Variants in DPP6 observed in about 807,000 individuals in gnomAD.
DPP6 encodes A-type potassium channel modulatory protein DPP6.
Under a neutral mutation model 122.6 loss-of-function variants are expected in DPP6, and 69 were observed. The ratio of observed to expected loss-of-function variants is 0.56; its 90% CI spans 0.46 to 0.69. The LOEUF (loss-of-function observed/expected upper bound fraction) is 0.69. DPP6 is among the 30% of genes least tolerant of loss of function. DPP6 has a pLI of 0.00. For missense variants in DPP6, 928 were observed against 1,116.9 expected (o/e 0.83, Z 2.41); for synonymous variants, 418 against 433.1 (o/e 0.97, Z 0.43).
intron 1 of DPP6, among the ~76,000 whole-genome samples, chr7:154,178,017 T>C (rs1466785520): frequency 6.6e-6 from 1 of 152,130 alleles, no homozygotes; most frequent in Admixed American, 6.5e-5. Context: ...GCCAACCCAC[T>C]GGTCACTGAG....
rs528329721 is a variant in DPP6, at chr7:154,558,113, C to G, written c.553-8729C>G. Among the ~76,000 whole-genome samples, 10 of 152,114 alleles carry G rather than the reference C, an allele frequency of 6.6e-5. No homozygotes were observed. In the East Asian group the frequency reaches 1.2e-3, roughly 18 times the overall value. ...CCCTCCCTTTACCCCTCCACCCCCC[C>G]ACAGGCCCCAGTATATGATGTTCCC... On this transcript the variant is annotated intron_variant, in intron 4 of 25. Coordinates refer to ENST00000377770, the MANE Select transcript of DPP6 (RefSeq NM_130797.4).
intron 1 of DPP6, among the ~76,000 whole-genome samples, chr7:154,070,534 G>T (rs1272533273): frequency 2.0e-5 from 3 of 152,090 alleles, no homozygotes; most frequent in Non-Finnish European, 2.9e-5. Flanking sequence ...TAATATACAT[G>T]CTGTCAAATT....
At chr7:154,328,530 A>T (rs1808640606) in intron 1 of DPP6, among the ~76,000 whole-genome samples, 1 of 152,196 alleles carries the variant, frequency 6.6e-6, no homozygotes, top group Non-Finnish European at 1.5e-5. Flanking sequence ...GTCTGAAAAT[A>T]ATCTTTACTG....
At chr7:154,068,117 G>A (rs953341894) in intron 1 of DPP6, among the ~76,000 whole-genome samples, 7 of 152,100 alleles carry the variant, frequency 4.6e-5, no homozygotes, top group African/African-American at 1.4e-4. Context: ...GCTTAGTTGG[G>A]AAAGGAGAGG....
intron 1 of DPP6, among the ~76,000 whole-genome samples, chr7:154,401,261 A>G (rs1815572392): frequency 6.6e-6 from 1 of 152,138 alleles, no homozygotes. Flanking sequence ...TGGAAACAGT[A>G]CACCAAATTT....
At chr7:154,004,036 G>A (rs1484788634) in intron 1 of DPP6, among the ~76,000 whole-genome samples, 2 of 152,084 alleles carry the variant, frequency 1.3e-5, no homozygotes, top group South Asian at 2.1e-4. Context: ...TTACTCTTAA[G>A]CTCTTATTGT....
rs2130869987 is a variant in DPP6 at position 154,624,758 on chromosome 7, C to T, written c.628-13063C>T. Among the ~76,000 whole-genome samples the T allele has an allele frequency of 6.6e-6, 1 of 152,302 alleles. No individual in the cohort carries two copies. The highest frequency in any genetic ancestry group is 1.9e-4 in the East Asian group (1 of 5,182). On this transcript the variant is annotated intron_variant, in intron 5 of 25. Coordinates refer to ENST00000377770, the MANE Select transcript of DPP6 (RefSeq NM_130797.4). This position sits in a 1 kb window ranked among gnomAD's most constrained non-coding sequence, Gnocchi z 4.7. The stretch of plus-strand genomic sequence containing the variant: ...GTCTCCCAGGAAGAAACCTGTTAAT[C>T]TGCACCATGTCAGGGACCCCACCCC...
chr7:154,406,754 T>C (rs1816151059), intron 1 of DPP6, among the ~76,000 whole-genome samples: 1 of 152,200 alleles, frequency 6.6e-6, no homozygotes, highest in African/African-American at 2.4e-5. Context: ...AAACCCTGGA[T>C]AGGTCAGTTA....
chr7:153,816,566 A>G, the DPP6 span, among the ~76,000 whole-genome samples: 6 of 152,242 alleles, frequency 3.9e-5, no homozygotes, highest in African/African-American at 1.4e-4. Flanking sequence ...CTCTTCCTTT[A>G]AAATGATTGA....
At chr7:154,324,524 G>T (rs1257169234) in intron 1 of DPP6, among the ~76,000 whole-genome samples, 1 of 152,020 alleles carries the variant, frequency 6.6e-6, no homozygotes, top group Non-Finnish European at 1.5e-5. Context: ...CCCCTCCCAG[G>T]TTCCATCCAG....
intron 8 of DPP6, among the ~76,000 whole-genome samples, chr7:154,741,312 G>A (rs561550260): frequency 6.6e-6 from 1 of 152,338 alleles, no homozygotes; most frequent in South Asian, 2.1e-4. Flanking sequence ...CAGAGCCCAG[G>A]CAACCTGGCA....
In DPP6 at chr7:153,918,566, GTC is replaced by G. The variant is rs59605527; in HGVS notation, c.51+30884_51+30885del. Among the ~76,000 whole-genome samples the G allele has an allele frequency of 6.8e-4, 71 of 104,452 alleles. 1 individual carries two copies. Among genetic ancestry groups the G allele is most frequent in the Admixed American group, 2.7e-3 (25 of 9,186 alleles). The allele number at this position is 104,452 out of a possible 152,430, so 68.5% of individuals were successfully genotyped here. On this transcript the variant is annotated intron_variant, in intron 1 of 25. Transcript: ENST00000404039. ...ACACACACACACACACACACACACA[GTC>G]TCTCTCTCTCTCTCTCTCTCTCTCT...
chr7:154,165,706 A>G (rs62487228), intron 1 of DPP6, among the ~76,000 whole-genome samples: 12 of 152,184 alleles, frequency 7.9e-5, no homozygotes, highest in South Asian at 2.1e-4. Flanking sequence ...ATTCTAACTG[A>G]TGTGAGATGG....
chr7:153,901,716 A>G (rs1007124379), intron 1 of DPP6, among the ~76,000 whole-genome samples: 2 of 152,240 alleles, frequency 1.3e-5, no homozygotes, highest in African/African-American at 4.8e-5. Flanking sequence ...TTGCTGACCT[A>G]GGGAATTCTG....
At chr7:154,086,243 A>G (rs543402906) in intron 1 of DPP6, among the ~76,000 whole-genome samples, 59 of 150,956 alleles carry the variant, frequency 3.9e-4, no homozygotes, top group Admixed American at 9.9e-4. Context: ...CTGGGTGAGC[A>G]GGGTTAGGCA....
intron 3 of DPP6, among the ~76,000 whole-genome samples, chr7:154,533,537 A>T (rs115537582): frequency 0.011 from 1,601 of 152,244 alleles, 28 homozygotes; most frequent in African/African-American, 0.035. Flanking sequence ...CCCAACATAA[A>T]TTTTTTCAGA....
rs34026684 is a variant in DPP6, at chr7:154,662,470, G to A, written c.681-6890G>A. Among the ~76,000 whole-genome samples, 10 of 39,116 alleles carry A rather than the reference G, an allele frequency of 2.6e-4. 2 individuals carry two copies. Among genetic ancestry groups the A allele is most frequent in the South Asian group, 1.8e-3 (1 of 568 alleles). 25.7% of individuals were successfully genotyped at this position (39,116 alleles called of 152,430 possible). A position where few individuals can be genotyped will look rare whatever the true frequency, so the allele number is the denominator to read the frequency against. ...GGTGAATCACCATGGCGTATCAGCCGTAGTGTTCATATAGTCATGGTGAAT... is the reference window on the plus strand; with the variant it reads ...GGTGAATCACCATGGCGTATCAGCCATAGTGTTCATATAGTCATGGTGAAT... On this transcript the variant is annotated intron_variant, in intron 6 of 25. Coordinates refer to ENST00000377770, the MANE Select transcript of DPP6 (RefSeq NM_130797.4).
intron 7 of DPP6, among the ~76,000 whole-genome samples, chr7:154,701,044 TC>T (rs1346822693): frequency 6.6e-6 from 1 of 152,100 alleles, no homozygotes; most frequent in East Asian, 1.9e-4. Context: ...TGGATTTGTC[TC>T]CACTCACCAA....
intron 18 of DPP6, among the ~76,000 whole-genome samples, chr7:154,870,018 C>A (rs979566354): frequency 1.3e-5 from 2 of 151,880 alleles, no homozygotes; most frequent in South Asian, 2.1e-4. Context: ...CTCACTCTGT[C>A]CCCCAGGCTA....
Sources: gnomAD v4.1 joint callset for allele counts (sites outside exome capture counted in the v4.1 genomes callset) on GRCh38, gnomAD v4.1.1 for gene constraint, Gnocchi (gnomAD v3.1) non-coding constraint, MANE v1.5 for transcripts, NCBI Gene and HGNC (gene_info 2026-07-23, HGNC 2026-07-21) for gene names.